Variants in ARHGEF10L observed in about 807,000 individuals in gnomAD.
ARHGEF10L encodes rho guanine nucleotide exchange factor 10-like protein.
In ARHGEF10L, 69 loss-of-function variants were observed where a neutral mutation model predicts 141.2. That is an observed-to-expected ratio of 0.49 (90% confidence interval 0.40 to 0.60). The LOEUF (loss-of-function observed/expected upper bound fraction) is 0.60, where lower values mean the gene tolerates loss of function less well. Ranked by LOEUF, ARHGEF10L falls within the 20% of genes least tolerant of loss-of-function variation. The pLI is 0.00. For synonymous variants in ARHGEF10L, 711 were observed against 718.5 expected (o/e 0.99, Z 0.17); for missense variants, 1,482 against 1,734.3 (o/e 0.85, Z 2.58).
At chr1:17,676,144 A>G (rs1342986679) in intron 26 of ARHGEF10L, among the ~76,000 whole-genome samples, 549 of 51,144 alleles carry the variant, frequency 0.011, no homozygotes, top group African/African-American at 0.012. Flanking sequence ...GTGCAGGTGT[A>G]GGTGCAGGTG....
the ARHGEF10L span, among the ~76,000 whole-genome samples, chr1:17,529,166 C>A: frequency 6.6e-6 from 1 of 152,066 alleles, no homozygotes; most frequent in Non-Finnish European, 1.5e-5. Flanking sequence ...CCACACCCAG[C>A]TAATTTTTGT....
intron 1 of ARHGEF10L, among the ~76,000 whole-genome samples, chr1:17,574,796 G>C (rs1452076593): frequency 6.6e-6 from 1 of 152,224 alleles, no homozygotes; most frequent in Non-Finnish European, 1.5e-5. Context: ...TGCCCTGCGT[G>C]GGGGAGCCGT....
intron 4 of ARHGEF10L, among the ~76,000 whole-genome samples, chr1:17,599,059 G>T (rs765309165): frequency 9.9e-5 from 15 of 152,070 alleles, no homozygotes; most frequent in South Asian, 4.2e-4. Context: ...AATTAAATGT[G>T]CAGGTCGGGC....
chr1:17,638,698 AG>A lies in ARHGEF10L; in HGVS notation c.2171+14del. On this transcript the variant is annotated intron_variant, in intron 20 of 28. Transcript: ENST00000361221. Reference sequence around the variant, plus strand: ...CCTGGGAAACCCGACAAGTGAGAGGAGGGGGTCTTGGAGGGAGGGCTGCTGC... The same window carrying A: ...CCTGGGAAACCCGACAAGTGAGAGGAGGGGTCTTGGAGGGAGGGCTGCTGC... The A allele has an allele frequency of 6.2e-7, 1 of 1,613,574 alleles. No homozygotes were observed. Among genetic ancestry groups the A allele is most frequent in the African/African-American group, 1.3e-5 (1 of 74,980 alleles).
chr1:17,597,212 A>C (rs1005058392), intron 4 of ARHGEF10L, among the ~76,000 whole-genome samples: 1 of 152,104 alleles, frequency 6.6e-6, no homozygotes, highest in East Asian at 1.9e-4. Context: ...CTCATTTGCA[A>C]GCTGAGAGGC....
Position 17,697,497 on chromosome 1 carries a change from C to T in ARHGEF10L, c.*117C>T. The T allele has an allele frequency of 2.4e-6, 3 of 1,275,552 alleles. No individual in the cohort carries two copies. Among genetic ancestry groups the T allele is most frequent in the Non-Finnish European group, 3.1e-6 (3 of 971,982 alleles). The allele number at this position is 1,275,552 out of a possible 1,614,324, so 79.0% of individuals were successfully genotyped here. On this transcript the variant is annotated 3_prime_UTR_variant, in exon 29 of 29. Transcript: ENST00000361221. The surrounding 1 kb of genome is among the most constrained non-coding windows in gnomAD (Gnocchi z 4.8). The stretch of plus-strand genomic sequence containing the variant: ...ATGGGCCTGGACTCTCCAGAAACTA[C>T]TTGGGCAGAGCAAAGGAAAACCTCT...
chr1:17,677,662 G>A (rs2063809330), intron 26 of ARHGEF10L, among the ~76,000 whole-genome samples: 1 of 152,214 alleles, frequency 6.6e-6, no homozygotes, highest in African/African-American at 2.4e-5. Context: ...GGTCCCAGAG[G>A]CTGCTTTGAG....
intron 2 of ARHGEF10L, among the ~76,000 whole-genome samples, chr1:17,582,493 G>A (rs2078659314): frequency 6.6e-6 from 1 of 152,170 alleles, no homozygotes; most frequent in African/African-American, 2.4e-5. Flanking sequence ...TTCCTGAGTA[G>A]GGGATTCCCC....
chr1:17,587,977 C>G (rs1347208145), intron 3 of ARHGEF10L, among the ~76,000 whole-genome samples: 2 of 152,240 alleles, frequency 1.3e-5, no homozygotes, highest in Non-Finnish European at 2.9e-5. Context: ...AGAAGAGCAG[C>G]CTCCCAGAGG....
intron 21 of ARHGEF10L, among the ~76,000 whole-genome samples, chr1:17,641,769 A>G (rs1245628246): frequency 6.6e-6 from 1 of 152,106 alleles, no homozygotes; most frequent in Non-Finnish European, 1.5e-5. Flanking sequence ...ACCTGAGGTC[A>G]GGAGTTCGAG....
At chr1:17,643,266 C>G (rs566393045) in intron 21 of ARHGEF10L, among the ~76,000 whole-genome samples, 1 of 152,296 alleles carries the variant, frequency 6.6e-6, no homozygotes, top group Admixed American at 6.5e-5. Flanking sequence ...TCCTCCCTCC[C>G]TGACTACAGT....
At chr1:17,647,058 C>A (rs1209675066) in intron 21 of ARHGEF10L, among the ~76,000 whole-genome samples, 3 of 152,088 alleles carry the variant, frequency 2.0e-5, no homozygotes, top group African/African-American at 7.2e-5. Flanking sequence ...TCCGGCTGAC[C>A]TGGCGCCTCC....
At chr1:17,679,208 C>T (rs1309722591) in intron 26 of ARHGEF10L, among the ~76,000 whole-genome samples, 1 of 152,196 alleles carries the variant, frequency 6.6e-6, no homozygotes, top group Non-Finnish European at 1.5e-5. Context: ...AGACCTTAAC[C>T]AGTTTGCTGG....
chr1:17,664,849 T>C (rs1217289904), intron 26 of ARHGEF10L, among the ~76,000 whole-genome samples: 1 of 152,182 alleles, frequency 6.6e-6, no homozygotes, highest in African/African-American at 2.4e-5. Flanking sequence ...CTGAGTTGTG[T>C]CGGTTGCTGC....
In ARHGEF10L at chr1:17,603,344, C is replaced by T. The variant is rs564001114; in HGVS notation, c.350-164C>T. The stretch of plus-strand genomic sequence containing the variant: ...GGGGGGCGGGGAGAAGCGAGGGAGC[C>T]GGCATCCCCTGAGGGCAGCTGGCGG... On this transcript the variant is annotated intron_variant, in intron 5 of 28. Transcript: ENST00000361221. This position sits in a 1 kb window ranked among gnomAD's most constrained non-coding sequence, Gnocchi z 4.8. 2.0e-4 allele frequency among the ~76,000 whole-genome samples: 30 copies of T among 151,808 alleles called. 1 individual carries two copies. The South Asian group carries it at 4.8e-3, about 24-fold the overall frequency.
chr1:17,638,542 A>G lies in ARHGEF10L; in HGVS notation c.2044-20A>G. 1 of 1,614,050 alleles carries G rather than the reference A, an allele frequency of 6.2e-7. No individual in the cohort carries two copies. The highest frequency in any genetic ancestry group is 8.5e-7 in the Non-Finnish European group (1 of 1,179,964). ...AGCCAGTGTGCTGTGTGGTGACCTC[A>G]TTGGCCTCCTGAACCCTAGAACCTG... On this transcript the variant is annotated intron_variant, in intron 19 of 28. Transcript: ENST00000361221.
the ARHGEF10L span, among the ~76,000 whole-genome samples, chr1:17,520,989 C>T: frequency 6.6e-6 from 1 of 152,202 alleles, no homozygotes; most frequent in Non-Finnish European, 1.5e-5. Flanking sequence ...CTGTTTCCCC[C>T]TGCTTTTCCA....
chr1:17,675,334 C>A (rs965248036), intron 26 of ARHGEF10L, among the ~76,000 whole-genome samples: 1 of 152,242 alleles, frequency 6.6e-6, no homozygotes, highest in African/African-American at 2.4e-5. Flanking sequence ...GCACTGTCAC[C>A]AAGGGGAACT....
intron 25 of ARHGEF10L, among the ~76,000 whole-genome samples, chr1:17,660,865 G>A (rs2062580630): frequency 1.3e-5 from 2 of 152,256 alleles, no homozygotes; most frequent in East Asian, 1.9e-4. Flanking sequence ...AGGAGGGGGT[G>A]GAAAGGGCGG....
Sources: gnomAD v4.1 joint callset for allele counts (sites outside exome capture counted in the v4.1 genomes callset) on GRCh38, gnomAD v4.1.1 for gene constraint, Gnocchi (gnomAD v3.1) non-coding constraint, MANE v1.5 for transcripts, NCBI Gene and HGNC (gene_info 2026-07-23, HGNC 2026-07-21) for gene names.